Variants in SSR2 observed in about 807,000 individuals in gnomAD.
SSR2 encodes translocon-associated protein subunit beta.
Under a neutral mutation model 22.6 loss-of-function variants are expected in SSR2, and 16 were observed. The observed-to-expected ratio is 0.71, with a 90% CI of 0.48 to 1.08. The LOEUF (loss-of-function observed/expected upper bound fraction) is 1.08, where lower values mean the gene tolerates loss of function less well. SSR2 is among the 50% of genes least tolerant of loss of function. SSR2 has a pLI of 0.00. For missense variants in SSR2, 171 were observed against 221.6 expected (o/e 0.77, Z 1.45); for synonymous variants, 83 against 91.2 (o/e 0.91, Z 0.51).
intron 4 of SSR2, 171 bp downstream of exon 4, chr1:156,014,790 C>T: frequency 1.8e-6 from 1 of 560,194 alleles, no homozygotes; most frequent in Non-Finnish European, 3.3e-6. Context: ...GATCTGCCCA[C>T]CTCGGCCTCC....
rs766863869 is a variant in SSR2 at position 156,012,394 on chromosome 1, C to T, written c.364-507G>A. On this transcript the variant is annotated intron_variant, in intron 4 of 5. Coordinates refer to ENST00000295702, the MANE Select transcript of SSR2 (RefSeq NM_003145.4). ...AAGTATAAAGCCCTACCCAAATGTA[C>T]ATTATTAGAGGAGGGGTTGAGTCTG... 1.4e-5 allele frequency: 5 copies of T among 366,586 alleles called. 1 individual carries two copies. The highest frequency in any genetic ancestry group is 4.0e-5 in the South Asian group (2 of 49,782). The allele number at this position is 366,586 out of a possible 1,614,324, so 22.7% of individuals were successfully genotyped here.
chr1:156,015,535 A>AATATATATATATATAT (rs1553254277), intron 3 of SSR2, among the ~76,000 whole-genome samples: 2 of 46,772 alleles, frequency 4.3e-5, no homozygotes, highest in African/African-American at 1.6e-4. Flanking sequence ...AAAAAAAAAA[A>AATATATATATATATAT]ATATATATAT....
At chr1:156,014,925 C>T (rs766164755) in intron 4 of SSR2, 36 bp downstream of exon 4, 1 of 1,546,862 alleles carries the variant, frequency 6.5e-7, no homozygotes, top group Non-Finnish European at 8.9e-7. Flanking sequence ...GAAGGCAGAT[C>T]CAAATTCCAT....
intron 3 of SSR2, among the ~76,000 whole-genome samples, chr1:156,017,243 A>G (rs1377745788): frequency 6.6e-6 from 1 of 152,204 alleles, no homozygotes; most frequent in Non-Finnish European, 1.5e-5. Flanking sequence ...GAAGAAAAAT[A>G]CCATCTAATT....
At position 156,009,088 on chromosome 1, in the gene SSR2, G is replaced by A. The variant is rs1682945333; in HGVS notation, c.*452C>T. 1 of 156,000 alleles carries A rather than the reference G, an allele frequency of 6.4e-6. No individual in the cohort carries two copies. Among genetic ancestry groups the A allele is most frequent in the Non-Finnish European group, 1.4e-5 (1 of 70,720 alleles). 9.7% of individuals were successfully genotyped at this position (156,000 alleles called of 1,614,324 possible). Reference sequence around the variant, plus strand: ...TTTTTATTAGAAAACCCCTTAGTAAGCACTTCTCTAACCCAGAATAGACAC... The same window carrying A: ...TTTTTATTAGAAAACCCCTTAGTAAACACTTCTCTAACCCAGAATAGACAC... On this transcript the variant is annotated 3_prime_UTR_variant, in exon 6 of 6. Coordinates refer to ENST00000295702, the MANE Select transcript of SSR2 (RefSeq NM_003145.4).
At chr1:156,015,800 C>A (rs1448352070) in intron 3 of SSR2, among the ~76,000 whole-genome samples, 2 of 151,468 alleles carry the variant, frequency 1.3e-5, no homozygotes, top group Non-Finnish European at 2.9e-5. Context: ...ATGTTATACT[C>A]AGTGTCATGG....
Position 156,017,773 on chromosome 1 carries a change from C to CAA in SSR2, c.254+496_254+497insTT, listed in dbSNP as rs1239559163. ...TTTTTTTTTTTTTTTTTTTTTGACA[C>CAA]AGAGTCTCACTCTGTTGCCTAGGCT... On this transcript the variant is annotated intron_variant, in intron 3 of 5. Coordinates refer to ENST00000295702, the MANE Select transcript of SSR2 (RefSeq NM_003145.4). Among the ~76,000 whole-genome samples the CAA allele has an allele frequency of 7.8e-3, 368 of 47,098 alleles. 4 individuals carry two copies. Among genetic ancestry groups the CAA allele is most frequent in the African/African-American group, 0.02 (327 of 16,226 alleles). 30.9% of individuals were successfully genotyped at this position (47,098 alleles called of 152,430 possible).
chr1:156,009,534 C>T lies in SSR2; in HGVS notation c.*6G>A, dbSNP rs1682950560. The T allele has an allele frequency of 2.5e-6, 4 of 1,604,614 alleles. No homozygotes were observed. In the Admixed American group the frequency reaches 6.7e-5, roughly 27 times the overall value. ...TCTTGGGAGAGGAGGGCTGTGGAAG[C>T]CCCAATCAGTTCTTCTTCGTTTTGG... On this transcript the variant is annotated 3_prime_UTR_variant, in exon 6 of 6. Coordinates refer to ENST00000295702, the MANE Select transcript of SSR2 (RefSeq NM_003145.4).
At chr1:156,013,492 T>G (rs779707123) in intron 4 of SSR2, 1 of 153,338 alleles carries the variant, frequency 6.5e-6, no homozygotes, top group Non-Finnish European at 1.5e-5. Flanking sequence ...CAATATGAAC[T>G]GAAGGCAGAA....
chr1:156,012,421 T>G (rs1682990348), intron 4 of SSR2: 2 of 417,792 alleles, frequency 4.8e-6, no homozygotes. Context: ...TTGAGTCTGG[T>G]CCACATTCCT....
chr1:156,009,406 A>T lies in SSR2; in HGVS notation c.*134T>A, dbSNP rs1572254426. 1.4e-6 allele frequency: 1 copy of T among 727,192 alleles called. No individual in the cohort carries two copies. Among genetic ancestry groups the T allele is most frequent in the Admixed American group, 2.4e-5 (1 of 41,250 alleles). The allele number at this position is 727,192 out of a possible 1,614,324, so 45.0% of individuals were successfully genotyped here. On this transcript the variant is annotated 3_prime_UTR_variant, in exon 6 of 6. Coordinates refer to ENST00000295702, the MANE Select transcript of SSR2 (RefSeq NM_003145.4). The stretch of plus-strand genomic sequence containing the variant: ...TCACTATGGCTGAGAGCAGGGCAGG[A>T]TCCAGGAGAAAGTGGCCAAGGGCTA...
chr1:156,017,036 T>C (rs1237980576), intron 3 of SSR2, among the ~76,000 whole-genome samples: 1 of 152,194 alleles, frequency 6.6e-6, no homozygotes, highest in African/African-American at 2.4e-5. Flanking sequence ...TGAGAACAGA[T>C]TAATAAAATA....
At chr1:156,020,230 T>C in intron 1 of SSR2, 63 bp from the exon 2 acceptor site, 1 of 1,579,342 alleles carries the variant, frequency 6.3e-7, no homozygotes, top group Non-Finnish European at 8.6e-7. Context: ...AAAATCCTCT[T>C]GACAGCGCTC....
At position 156,015,070 on chromosome 1, in the gene SSR2, C is replaced by G. The variant is rs111689270; in HGVS notation, c.255-1G>C. 2 of 1,612,710 alleles carry G rather than the reference C, an allele frequency of 1.2e-6. No individual in the cohort carries two copies. Among genetic ancestry groups the G allele is most frequent in the Non-Finnish European group, 8.5e-7 (1 of 1,178,916 alleles). ...CACAGTGTGGGAGACATTGCTAGCACTGGCTCAAGAGTTAAGGAACGGAAA... is the reference window on the plus strand; with the variant it reads ...CACAGTGTGGGAGACATTGCTAGCAGTGGCTCAAGAGTTAAGGAACGGAAA... On this transcript the variant is annotated splice_acceptor_variant, in intron 3 of 5. Transcript: ENST00000295702. LOFTEE classifies it high-confidence loss of function.
intron 1 of SSR2, chr1:156,020,600 G>A (rs1683135164): frequency 3.2e-6 from 1 of 310,378 alleles, no homozygotes; most frequent in African/African-American, 2.2e-5. Context: ...GGATCCCACC[G>A]CGGACTCGCG....
intron 2 of SSR2, chr1:156,019,269 A>G: frequency 2.2e-6 from 1 of 452,598 alleles, no homozygotes; most frequent in South Asian, 1.6e-5. Flanking sequence ...GTACATGCCT[A>G]TGTGTGTGGA....
At chr1:156,019,220 A>G (rs1407891889) in intron 2 of SSR2, 1 of 452,236 alleles carries the variant, frequency 2.2e-6, no homozygotes, top group East Asian at 7.0e-5. Flanking sequence ...TCCAGGAGGC[A>G]ATAGGTCCAA....
At chr1:156,017,400 A>C (rs1683072857) in intron 3 of SSR2, among the ~76,000 whole-genome samples, 1 of 152,166 alleles carries the variant, frequency 6.6e-6, no homozygotes, top group Non-Finnish European at 1.5e-5. Flanking sequence ...CCCAGGCTAG[A>C]GTGCAGTGGC....
At chr1:156,018,474 G>A (rs1001586811) in intron 2 of SSR2, 106 bp from the exon 3 acceptor site, 4 of 704,068 alleles carry the variant, frequency 5.7e-6, no homozygotes, top group Middle Eastern at 2.7e-4. Context: ...TTGGGAGGCC[G>A]AGGTGGGCAG....
Sources: gnomAD v4.1 joint callset for allele counts (sites outside exome capture counted in the v4.1 genomes callset) on GRCh38, gnomAD v4.1.1 for gene constraint, MANE v1.5 for transcripts, NCBI Gene and HGNC (gene_info 2026-07-23, HGNC 2026-07-21) for gene names.